CACNB4: variants seen among roughly 807,000 people sequenced by gnomAD.
The protein encoded by CACNB4 is calcium voltage-gated channel auxiliary subunit beta 4.
Under a neutral mutation model 71.2 loss-of-function variants are expected in CACNB4, and 32 were observed. The observed-to-expected ratio is 0.45, with a 90% CI of 0.34 to 0.60. CACNB4 has a LOEUF of 0.60. Ranked by LOEUF, CACNB4 falls within the 20% of genes least tolerant of loss-of-function variation. The pLI, the probability that CACNB4 is intolerant of heterozygous loss-of-function variation, is 0.01. For synonymous variants in CACNB4, 231 were observed against 236.9 expected, an observed-to-expected ratio of 0.97 and a Z score of 0.23; for missense variants, 464 against 647.9, an observed-to-expected ratio of 0.72 and a Z score of 3.08.
intron 2 of CACNB4, among the ~76,000 whole-genome samples, chr2:152,084,589 T>A (rs1687542454): frequency 6.6e-6 from 1 of 152,172 alleles, no homozygotes; most frequent in Non-Finnish European, 1.5e-5. Context: ...ACATGACAAC[T>A]TCTGCTGCTG....
intron 2 of CACNB4, among the ~76,000 whole-genome samples, chr2:152,092,277 G>C (rs938185811): frequency 3.3e-5 from 5 of 152,342 alleles, no homozygotes; most frequent in Non-Finnish European, 7.3e-5. Context: ...GTAGGCATAT[G>C]ATTATTCTTA....
chr2:152,081,878 C>T (rs1421164490), intron 2 of CACNB4, among the ~76,000 whole-genome samples: 4 of 152,184 alleles, frequency 2.6e-5, no homozygotes, highest in African/African-American at 7.2e-5. Context: ...CCGTGGCAAA[C>T]ACGGAGTAAG....
intron 2 of CACNB4, among the ~76,000 whole-genome samples, chr2:152,063,852 A>G (rs888786194): frequency 1.3e-5 from 2 of 152,204 alleles, no homozygotes; most frequent in African/African-American, 2.4e-5. Flanking sequence ...GCCATTCCTC[A>G]CAATTTTTCC....
At chr2:152,035,630 C>CCTCTCTCTCTCTCTCT (rs369495604) in intron 2 of CACNB4, among the ~76,000 whole-genome samples, 55 of 93,280 alleles carry the variant, frequency 5.9e-4, no homozygotes, top group Non-Finnish European at 6.9e-4. Context: ...CCTCCCTCTC[C>CCTCTCTCTCTCTCTCT]CTCTCTCTCT....
At chr2:152,080,127 CT>C (rs56902459) in intron 2 of CACNB4, among the ~76,000 whole-genome samples, 2,595 of 145,868 alleles carry the variant, frequency 0.018, 72 homozygotes, top group African/African-American at 0.06. Flanking sequence ...AATTTACTGT[CT>C]TTTTTTTTTT....
intron 10 of CACNB4, chr2:151,858,091 T>C (rs1348525594): frequency 6.6e-6 from 1 of 152,188 alleles, no homozygotes; most frequent in African/African-American, 2.4e-5. Flanking sequence ...AAGAAAAAGA[T>C]CTCAACCAAA....
chr2:151,859,819 G>A (rs1220852439), intron 10 of CACNB4: 1 of 152,132 alleles, frequency 6.6e-6, no homozygotes, highest in Non-Finnish European at 1.5e-5. Context: ...TTTACAAATT[G>A]CACGATCTTT....
Position 152,098,435 on chromosome 2 carries a change from C to T in CACNB4, c.64-22G>A. 1.2e-6 allele frequency: 2 copies of T among 1,600,894 alleles called. No individual in the cohort carries two copies. The highest frequency in any genetic ancestry group is 2.2e-5 in the East Asian group (1 of 44,778). On this transcript the variant is annotated intron_variant, in intron 1 of 13. Coordinates refer to ENST00000539935, the MANE Select transcript of CACNB4 (RefSeq NM_000726.5). This position sits in a 1 kb window ranked among gnomAD's most constrained non-coding sequence, Gnocchi z 5.3. ...CCACCTGGACTCGACACACGGGGGC[C>T]AGAGAGAAGCCGGTGAGGACCGCAG...
In CACNB4 at chr2:151,995,324, T is replaced by A. The variant is rs76806182; in HGVS notation, c.147+103006A>T. 6.0e-3 allele frequency among the ~76,000 whole-genome samples: 910 copies of A among 152,200 alleles called. 4 individuals carry two copies. Among genetic ancestry groups the A allele is most frequent in the African/African-American group, 0.021 (861 of 41,506 alleles). ...CATTACAAGGTAAAATGAGAAAACATCATGTGAATTTTTTGAGTGTAAGAT... is the reference window on the plus strand; with the variant it reads ...CATTACAAGGTAAAATGAGAAAACAACATGTGAATTTTTTGAGTGTAAGAT... On this transcript the variant is annotated intron_variant, in intron 2 of 13. Transcript: ENST00000539935.
chr2:151,845,175 C>T (rs1325440195), intron 12 of CACNB4, among the ~76,000 whole-genome samples: 4 of 152,224 alleles, frequency 2.6e-5, no homozygotes, highest in Non-Finnish European at 5.9e-5. Context: ...AAGCACTTCT[C>T]TTTGCCAATG....
At chr2:152,054,183 C>A (rs544219539) in intron 2 of CACNB4, among the ~76,000 whole-genome samples, 1 of 151,130 alleles carries the variant, frequency 6.6e-6, no homozygotes, top group Admixed American at 6.6e-5. Context: ...CTGGCTAACG[C>A]GGTGAAACCC....
chr2:152,030,551 C>T (rs1487705361), intron 2 of CACNB4, among the ~76,000 whole-genome samples: 1 of 152,198 alleles, frequency 6.6e-6, no homozygotes, highest in African/African-American at 2.4e-5. Context: ...TGTTGGTGTG[C>T]TGCACCCATT....
intron 2 of CACNB4, among the ~76,000 whole-genome samples, chr2:151,933,940 G>A (rs1351528263): frequency 1.3e-5 from 2 of 152,182 alleles, no homozygotes; most frequent in Non-Finnish European, 2.9e-5. Flanking sequence ...CAGTCTCATG[G>A]CTATAGAATC....
At chr2:152,069,455 C>T (rs2105364709) in intron 2 of CACNB4, among the ~76,000 whole-genome samples, 1 of 151,796 alleles carries the variant, frequency 6.6e-6, no homozygotes, top group Non-Finnish European at 1.5e-5. Context: ...ATACTCACCC[C>T]CAACCAACCT....
chr2:151,917,192 A>C (rs2099857745), intron 2 of CACNB4, among the ~76,000 whole-genome samples: 1 of 152,232 alleles, frequency 6.6e-6, no homozygotes, highest in Admixed American at 6.5e-5. Context: ...AGTTTGGGTC[A>C]TATGCCCCTT....
chr2:151,985,900 C>G (rs1033058542), intron 2 of CACNB4, among the ~76,000 whole-genome samples: 1 of 152,098 alleles, frequency 6.6e-6, no homozygotes, highest in African/African-American at 2.4e-5. Context: ...ATCTCTGGAG[C>G]TTTTGAAAAA....
At chr2:152,091,328 A>T (rs982082246) in intron 2 of CACNB4, among the ~76,000 whole-genome samples, 1 of 152,214 alleles carries the variant, frequency 6.6e-6, no homozygotes, top group Non-Finnish European at 1.5e-5. Context: ...GGATTACACC[A>T]TTTAGCAAGG....
At chr2:151,952,837 A>C (rs1436507198) in intron 2 of CACNB4, among the ~76,000 whole-genome samples, 1 of 152,232 alleles carries the variant, frequency 6.6e-6, no homozygotes. Flanking sequence ...TGAAACACTT[A>C]TATTCCTGGG....
rs186345039 is a variant in CACNB4, at chr2:151,950,671, T to C, written c.148-67301A>G. 2.0e-5 allele frequency among the ~76,000 whole-genome samples: 3 copies of C among 152,368 alleles called. No individual in the cohort carries two copies. In the East Asian group the frequency reaches 5.8e-4, roughly 29 times the overall value. ...GTACTAATACATACTCTGACATGGA[T>C]GAACCTTGAAACATTACACTACATG... On this transcript the variant is annotated intron_variant, in intron 2 of 13. Coordinates refer to ENST00000539935, the MANE Select transcript of CACNB4 (RefSeq NM_000726.5).
Sources: allele counts gnomAD v4.1 joint callset (sites outside exome capture counted in the v4.1 genomes callset), GRCh38; gene constraint gnomAD v4.1.1; non-coding constraint Gnocchi (gnomAD v3.1); transcripts MANE v1.5; gene names NCBI Gene and HGNC (gene_info 2026-07-23, HGNC 2026-07-21).